Variants in GTF2A1 observed in about 807,000 individuals in gnomAD.
GTF2A1 encodes the protein transcription initiation factor IIA subunit 1.
In GTF2A1, 12 loss-of-function variants were observed where a neutral mutation model predicts 54.1. The ratio of observed to expected loss-of-function variants is 0.22; its 90% CI spans 0.14 to 0.36. GTF2A1 has a LOEUF of 0.36. Ranked by LOEUF, GTF2A1 falls within the 10% of genes least tolerant of loss-of-function variation. The probability of loss-of-function intolerance (pLI) is 1.00; values close to 1 mark genes in which losing one functional copy is unlikely to be tolerated. For synonymous variants in GTF2A1, 145 were observed against 152.0 expected (o/e 0.95, Z 0.34); for missense variants, 335 against 442.2 (o/e 0.76, Z 2.17).
chr14:81,186,636 T>C (rs993655411), intron 7 of GTF2A1, among the ~76,000 whole-genome samples: 1 of 152,120 alleles, frequency 6.6e-6, no homozygotes, highest in African/African-American at 2.4e-5. Flanking sequence ...AAAACCAAAG[T>C]AGAGAAGACA....
chr14:81,207,017 A>C (rs1443394278), intron 2 of GTF2A1, among the ~76,000 whole-genome samples: 1 of 152,234 alleles, frequency 6.6e-6, no homozygotes, highest in Non-Finnish European at 1.5e-5. Context: ...AAGAAGTTTG[A>C]GAAACACTGT....
intron 8 of GTF2A1, among the ~76,000 whole-genome samples, chr14:81,182,808 T>C (rs1413308457): frequency 2.6e-5 from 4 of 152,188 alleles, no homozygotes; most frequent in Admixed American, 6.5e-5. Flanking sequence ...CCCTTACCTC[T>C]CTACCTACTA....
At chr14:81,220,425 G>T in intron 1 of GTF2A1, 64 bp downstream of exon 1, 6 of 1,192,798 alleles carry the variant, frequency 5.0e-6, no homozygotes, top group South Asian at 4.5e-5. Context: ...CCCCGCCCCC[G>T]CCCGGTCCGG....
rs1893015215 is a variant in GTF2A1 at position 81,197,446 on chromosome 14, T to C, written c.441A>G (p.Ala147=). 5 of 1,591,784 alleles carry C rather than the reference T, an allele frequency of 3.1e-6. No homozygotes were observed. Among genetic ancestry groups the C allele is most frequent in the Non-Finnish European group, 3.4e-6 (4 of 1,164,448 alleles). ...AATAATLALP[A]GVTPVQQILT... ...ATATCTGCTGAACAGGAGTCACACC[T>C]GCAGGGAGTGCTAAGGTAGCAGCTG... Residue 147 remains alanine, a synonymous_variant, in exon 5 of 9, where the codon GCA becomes GCG. Coordinates refer to ENST00000553612, the MANE Select transcript of GTF2A1 (RefSeq NM_015859.4).
At chr14:81,188,010 A>G (rs1221026198) in intron 7 of GTF2A1, among the ~76,000 whole-genome samples, 2 of 152,176 alleles carry the variant, frequency 1.3e-5, no homozygotes, top group Non-Finnish European at 2.9e-5. Context: ...TTTTTTGAGT[A>G]TAGCTATTCT....
chr14:81,185,471 T>C lies in GTF2A1; in HGVS notation c.1023+60A>G, dbSNP rs1039496406. 8.6e-6 allele frequency: 8 copies of C among 929,102 alleles called. No homozygotes were observed. In the Admixed American group the frequency reaches 1.4e-4, roughly 16 times the overall value. 57.6% of individuals were successfully genotyped at this position (929,102 alleles called of 1,614,324 possible). A position where few individuals can be genotyped will look rare whatever the true frequency, so the allele number is the denominator to read the frequency against. On this transcript the variant is annotated intron_variant, in intron 8 of 8. Coordinates refer to ENST00000553612, the MANE Select transcript of GTF2A1 (RefSeq NM_015859.4). ...AAATGTTTCAATAAGGCAGAAAGAA[T>C]AATGTAGGGAAGAAATTACAACACA...
At chr14:81,181,007 T>A (rs1478444860) in intron 8 of GTF2A1, among the ~76,000 whole-genome samples, 1 of 152,234 alleles carries the variant, frequency 6.6e-6, no homozygotes, top group East Asian at 1.9e-4. Context: ...CTAACTACCA[T>A]GGAACCTTAT....
intron 2 of GTF2A1, among the ~76,000 whole-genome samples, chr14:81,207,294 G>A (rs1471882623): frequency 2.0e-5 from 3 of 152,000 alleles, no homozygotes; most frequent in South Asian, 2.1e-4. Flanking sequence ...CATGGGGGCC[G>A]GTCTTTCCCA....
intron 2 of GTF2A1, among the ~76,000 whole-genome samples, chr14:81,209,688 G>A (rs558830818): frequency 6.6e-6 from 1 of 152,130 alleles, no homozygotes; most frequent in Non-Finnish European, 1.5e-5. Flanking sequence ...TTTTCTCACA[G>A]TACCAAATTA....
rs368557767 is a variant in GTF2A1 at position 81,192,007 on chromosome 14, A to G, written c.933+512T>C. ...GTGAGGAAAACAAAGGCATATTTAT[A>G]TGCTTCTAGAAGAACACAGACATTA... On this transcript the variant is annotated intron_variant, in intron 7 of 8. Coordinates refer to ENST00000553612, the MANE Select transcript of GTF2A1 (RefSeq NM_015859.4). 1.1e-4 allele frequency among the ~76,000 whole-genome samples: 17 copies of G among 152,336 alleles called. No individual in the cohort carries two copies. The South Asian group carries it at 1.7e-3, about 15-fold the overall frequency.
intron 8 of GTF2A1, among the ~76,000 whole-genome samples, chr14:81,183,507 C>T (rs903509987): frequency 1.1e-4 from 16 of 152,178 alleles, no homozygotes; most frequent in African/African-American, 3.6e-4. Context: ...ACACTGAAGT[C>T]ATGTTGGGTA....
At position 81,204,674 on chromosome 14, in the gene GTF2A1, T is replaced by A. The variant is rs188971248; in HGVS notation, c.133-570A>T. ...AACCGGCAACGCCCGAAGGTCTTAG[T>A]AGTTATCCCAACTCTCCACACTTCT... On this transcript the variant is annotated intron_variant, in intron 2 of 8. Transcript: ENST00000553612. Among the ~76,000 whole-genome samples the A allele has an allele frequency of 1.3e-4, 20 of 152,330 alleles. 1 individual carries two copies. In the East Asian group the frequency reaches 3.9e-3, roughly 29 times the overall value.
chr14:81,219,327 G>C (rs891049699), intron 1 of GTF2A1, among the ~76,000 whole-genome samples: 1 of 152,180 alleles, frequency 6.6e-6, no homozygotes, highest in Non-Finnish European at 1.5e-5. Flanking sequence ...CTTGCCTCGG[G>C]AGCACGCACC....
At chr14:81,194,416 C>CA (rs774187852) in intron 6 of GTF2A1, among the ~76,000 whole-genome samples, 1 of 152,198 alleles carries the variant, frequency 6.6e-6, no homozygotes, top group Non-Finnish European at 1.5e-5. Context: ...GGGGGAAGTG[C>CA]AGGGAGTTGC....
At position 81,176,861 on chromosome 14, in the gene GTF2A1, G is replaced by A. The variant is rs566701000; in HGVS notation, c.*3362C>T. ...AAAGAAAGTTCAAGATGAAATAATC[G>A]GAAAAACAGGAATTTTCTCAAGTAG... On this transcript the variant is annotated 3_prime_UTR_variant, in exon 9 of 9. Transcript: ENST00000553612. 6 of 151,984 alleles carry A rather than the reference G, an allele frequency of 3.9e-5. No homozygotes were observed. The highest frequency in any genetic ancestry group is 2.1e-4 in the South Asian group (1 of 4,820). The allele number at this position is 151,984 out of a possible 1,614,324, so 9.4% of individuals were successfully genotyped here. A position where few individuals can be genotyped will look rare whatever the true frequency, so the allele number is the denominator to read the frequency against.
chr14:81,211,909 A>AT (rs71107106), intron 2 of GTF2A1, among the ~76,000 whole-genome samples: 5 of 137,320 alleles, frequency 3.6e-5, no homozygotes, highest in South Asian at 2.3e-4. Flanking sequence ...ATATATATAT[A>AT]ACTAGAGTAT....
rs1595237120 is a variant in GTF2A1 at position 81,220,666 on chromosome 14, A to C, written c.-148T>G. Reference sequence around the variant, plus strand: ...TTTTAAACAAAATCAATCCTGAAGGAGTAGGGGAGAGCGGAGAGAGGAGGA... The same window carrying C: ...TTTTAAACAAAATCAATCCTGAAGGCGTAGGGGAGAGCGGAGAGAGGAGGA... On this transcript the variant is annotated 5_prime_UTR_variant, in exon 1 of 9. Coordinates refer to ENST00000553612, the MANE Select transcript of GTF2A1 (RefSeq NM_015859.4). 1 of 384,604 alleles carries C rather than the reference A, an allele frequency of 2.6e-6. No individual in the cohort carries two copies. Among genetic ancestry groups the C allele is most frequent in the Admixed American group, 4.2e-5 (1 of 23,762 alleles). 23.8% of individuals were successfully genotyped at this position (384,604 alleles called of 1,614,324 possible).
chr14:81,180,134 T>A lies in GTF2A1; in HGVS notation c.*89A>T, dbSNP rs982594477. ...ACTTTTCTGACATGCAGAAACGAAG[T>A]TTTGGTTGGCATATGCCCCAAGTTT... On this transcript the variant is annotated 3_prime_UTR_variant, in exon 9 of 9. Coordinates refer to ENST00000553612, the MANE Select transcript of GTF2A1 (RefSeq NM_015859.4). The A allele has an allele frequency of 2.2e-5, 13 of 598,014 alleles. No individual in the cohort carries two copies. Among genetic ancestry groups the A allele is most frequent in the Non-Finnish European group, 3.6e-5 (12 of 330,504 alleles). 37.0% of individuals were successfully genotyped at this position (598,014 alleles called of 1,614,324 possible).
chr14:81,206,490 C>A (rs1230421213), intron 2 of GTF2A1, among the ~76,000 whole-genome samples: 1 of 152,178 alleles, frequency 6.6e-6, no homozygotes, highest in Non-Finnish European at 1.5e-5. Flanking sequence ...GAGAAAAATG[C>A]TCGACCTTAC....
Sources: allele counts gnomAD v4.1 joint callset (sites outside exome capture counted in the v4.1 genomes callset), GRCh38; gene constraint gnomAD v4.1.1; transcripts MANE v1.5; gene names NCBI Gene and HGNC (gene_info 2026-07-23, HGNC 2026-07-21).